ATP10B: variants seen among roughly 807,000 people sequenced by gnomAD.
ATP10B encodes phospholipid-transporting ATPase VB.
ATP10B carries 122 observed loss-of-function variants against 141.2 expected under a neutral mutation model. The observed-to-expected ratio is 0.86, with a 90% CI of 0.75 to 1.00. The LOEUF (loss-of-function observed/expected upper bound fraction) is 1.00, where lower values mean the gene tolerates loss of function less well. Among genes scored for constraint, ATP10B ranks in the 50% least tolerant of loss-of-function variants. The probability of loss-of-function intolerance (pLI) is 0.00; values close to 1 mark genes in which losing one functional copy is unlikely to be tolerated. For synonymous variants in ATP10B, 685 were observed against 692.0 expected, an observed-to-expected ratio of 0.99 and a Z score of 0.16; for missense variants, 1,876 against 1,825.3, an observed-to-expected ratio of 1.03 and a Z score of -0.51.
intron 2 of ATP10B, among the ~76,000 whole-genome samples, chr5:160,735,545 A>G (rs1265451851): frequency 6.6e-6 from 1 of 152,164 alleles, no homozygotes; most frequent in Non-Finnish European, 1.5e-5. Context: ...ATACAATAAT[A>G]TCTGGAGACT....
At chr5:160,703,020 G>A (rs1195268033) in intron 3 of ATP10B, among the ~76,000 whole-genome samples, 3 of 152,082 alleles carry the variant, frequency 2.0e-5, no homozygotes, top group Non-Finnish European at 4.4e-5. Flanking sequence ...AACTGAAACT[G>A]TTGGGGTCAA....
chr5:160,668,057 C>T (rs1187764962), intron 7 of ATP10B, among the ~76,000 whole-genome samples: 8 of 151,952 alleles, frequency 5.3e-5, no homozygotes, highest in Admixed American at 5.2e-4. Flanking sequence ...TGGCAAAAAC[C>T]CTGTCTCTAC....
At chr5:160,813,069 T>C (rs944384109) in intron 1 of ATP10B, among the ~76,000 whole-genome samples, 2 of 152,162 alleles carry the variant, frequency 1.3e-5, no homozygotes, top group Non-Finnish European at 1.5e-5. Flanking sequence ...ATGCAGAAGA[T>C]GGGTGATTTC....
At chr5:160,826,891 T>C (rs1254527411) in intron 1 of ATP10B, among the ~76,000 whole-genome samples, 1 of 152,192 alleles carries the variant, frequency 6.6e-6, no homozygotes, top group African/African-American at 2.4e-5. Flanking sequence ...GGTAAATATT[T>C]GGTCAGATCG....
chr5:160,668,811 G>T (rs1762483795), intron 7 of ATP10B, among the ~76,000 whole-genome samples: 1 of 152,190 alleles, frequency 6.6e-6, no homozygotes, highest in Non-Finnish European at 1.5e-5. Flanking sequence ...CCATGGGATA[G>T]CTATTATTAT....
intron 3 of ATP10B, among the ~76,000 whole-genome samples, chr5:160,703,319 T>C (rs937615115): frequency 2.0e-5 from 3 of 152,206 alleles, no homozygotes; most frequent in African/African-American, 7.2e-5. Context: ...AAGCTATGTT[T>C]TATACTATAC....
At chr5:160,653,687 T>C (rs1172810402) in intron 7 of ATP10B, among the ~76,000 whole-genome samples, 1 of 121,244 alleles carries the variant, frequency 8.2e-6, no homozygotes, top group South Asian at 2.5e-4. Flanking sequence ...TATACATATA[T>C]ACATATATAC....
chr5:160,801,553 T>C (rs977949925), intron 1 of ATP10B, among the ~76,000 whole-genome samples: 1 of 152,238 alleles, frequency 6.6e-6, no homozygotes, highest in Non-Finnish European at 1.5e-5. Context: ...GCTTTATCAT[T>C]CCTATATCCA....
chr5:160,610,333 C>T (rs1757649969), intron 18 of ATP10B, among the ~76,000 whole-genome samples: 1 of 152,158 alleles, frequency 6.6e-6, no homozygotes, highest in South Asian at 2.1e-4. Flanking sequence ...GGCCTGCTAA[C>T]AGTCATGTAG....
Position 160,649,111 on chromosome 5 carries a change from A to G in ATP10B, c.761+60T>C, listed in dbSNP as rs969684003. On this transcript the variant is annotated intron_variant, in intron 8 of 25. Coordinates refer to ENST00000327245, the MANE Select transcript of ATP10B (RefSeq NM_025153.3). Reference sequence around the variant, plus strand: ...CTTATTTGTTTGGTCATTTCTAGACAATATATTTTCTAGCTGCAGCGGAGA... The same window carrying G: ...CTTATTTGTTTGGTCATTTCTAGACGATATATTTTCTAGCTGCAGCGGAGA... 3.2e-6 allele frequency: 4 copies of G among 1,254,278 alleles called. No homozygotes were observed. The African/African-American group carries it at 4.4e-5, about 14-fold the overall frequency. The allele number at this position is 1,254,278 out of a possible 1,614,324, so 77.7% of individuals were successfully genotyped here. A position where few individuals can be genotyped will look rare whatever the true frequency, so the allele number is the denominator to read the frequency against.
intron 1 of ATP10B, among the ~76,000 whole-genome samples, chr5:160,808,787 T>C (rs148762943): frequency 6.6e-6 from 1 of 152,310 alleles, no homozygotes; most frequent in Non-Finnish European, 1.5e-5. Context: ...GCTCACTTTC[T>C]AGGGCTGCCA....
At chr5:160,802,472 C>T (rs142009594) in intron 1 of ATP10B, among the ~76,000 whole-genome samples, 196 of 152,278 alleles carry the variant, frequency 1.3e-3, no homozygotes, top group African/African-American at 4.5e-3. Flanking sequence ...GGAAGTCTAC[C>T]GATATCTAGA....
At chr5:160,603,826 T>C in intron 20 of ATP10B, 139 bp downstream of exon 20, 1 of 651,830 alleles carries the variant, frequency 1.5e-6, no homozygotes, top group Non-Finnish European at 2.8e-6. Context: ...TGTCCTTATG[T>C]CTGTCATTGC....
At chr5:160,821,322 T>G (rs753018833) in intron 1 of ATP10B, among the ~76,000 whole-genome samples, 47 of 152,178 alleles carry the variant, frequency 3.1e-4, no homozygotes, top group Non-Finnish European at 5.3e-4. Context: ...GTGGAAGATC[T>G]TTATAGTAAA....
rs77386033 is a variant in ATP10B at position 160,838,932 on chromosome 5, C to T, written c.-576+13009G>A. On this transcript the variant is annotated intron_variant, in intron 1 of 25. Coordinates refer to ENST00000327245, the MANE Select transcript of ATP10B (RefSeq NM_025153.3). ...TCTCAGTTAACATGATATCTGGTTA[C>T]TTAAAAGAGTCTGGGACCTCCCCCT... Among the ~76,000 whole-genome samples, 918 of 152,218 alleles carry T rather than the reference C, an allele frequency of 6.0e-3. 13 individuals are homozygous for T. Among genetic ancestry groups the T allele is most frequent in the African/African-American group, 0.021 (874 of 41,540 alleles).
At chr5:160,907,763 G>A in the ATP10B span, among the ~76,000 whole-genome samples, 19 of 152,218 alleles carry the variant, frequency 1.2e-4, no homozygotes, top group Admixed American at 1.2e-3. Flanking sequence ...TCCAATGTCA[G>A]CAGCAAAAAG....
intron 1 of ATP10B, among the ~76,000 whole-genome samples, chr5:160,810,888 C>G (rs1483482993): frequency 6.6e-6 from 1 of 152,006 alleles, no homozygotes; most frequent in Non-Finnish European, 1.5e-5. Context: ...AAACTTTATC[C>G]TATTTGGGGT....
intron 1 of ATP10B, among the ~76,000 whole-genome samples, chr5:160,830,728 G>A (rs1200370633): frequency 6.6e-6 from 1 of 151,674 alleles, no homozygotes; most frequent in Non-Finnish European, 1.5e-5. Flanking sequence ...TTGCATATTT[G>A]ACAACTACGT....
the ATP10B span, among the ~76,000 whole-genome samples, chr5:160,897,379 G>A: frequency 1.3e-5 from 2 of 152,172 alleles, no homozygotes; most frequent in East Asian, 1.9e-4. Context: ...AAAATCACAA[G>A]CATTCCTATA....
Sources: allele counts gnomAD v4.1 joint callset (sites outside exome capture counted in the v4.1 genomes callset), GRCh38; gene constraint gnomAD v4.1.1; transcripts MANE v1.5; gene names NCBI Gene and HGNC (gene_info 2026-07-23, HGNC 2026-07-21).